The following ITPR2 variants were observed in gnomAD, a reference collection of about 807,000 sequenced individuals.
ITPR2 encodes the protein inositol 1,4,5-trisphosphate-gated calcium channel ITPR2.
ITPR2 carries 207 observed loss-of-function variants against 317.1 expected under a neutral mutation model. That is an observed-to-expected ratio of 0.65 (90% CI 0.58 to 0.73). The LOEUF (loss-of-function observed/expected upper bound fraction) is 0.73. Among genes scored for constraint, ITPR2 ranks in the 30% least tolerant of loss-of-function variants. ITPR2 has a pLI of 0.00. For synonymous variants in ITPR2, 1,156 were observed against 1,149.1 expected, an observed-to-expected ratio of 1.01 and a Z score of -0.12; for missense variants, 2,613 against 3,284.0, an observed-to-expected ratio of 0.80 and a Z score of 4.99.
intron 26 of ITPR2, among the ~76,000 whole-genome samples, chr12:26,608,014 G>A (rs528083955): frequency 6.6e-6 from 1 of 152,280 alleles, no homozygotes; most frequent in East Asian, 1.9e-4. Context: ...CCGGCTACTC[G>A]GGAGGCTGAG....
intron 10 of ITPR2, among the ~76,000 whole-genome samples, chr12:26,695,375 T>A (rs918743681): frequency 5.9e-5 from 9 of 152,150 alleles, no homozygotes; most frequent in African/African-American, 2.2e-4. Context: ...CAGCTGCCTT[T>A]AGCACTCCAC....
intron 55 of ITPR2, among the ~76,000 whole-genome samples, chr12:26,379,963 G>A (rs551544995): frequency 1.2e-4 from 19 of 152,234 alleles, no homozygotes; most frequent in African/African-American, 3.4e-4. Flanking sequence ...CCAATCACCC[G>A]AACACTAGCA....
chr12:26,658,371 T>G (rs1456682781), intron 16 of ITPR2, among the ~76,000 whole-genome samples: 6 of 152,266 alleles, frequency 3.9e-5, no homozygotes, highest in Admixed American at 3.3e-4. Flanking sequence ...TCTATTTATT[T>G]TATGATATTC....
intron 37 of ITPR2, among the ~76,000 whole-genome samples, chr12:26,520,687 C>A (rs1408011638): frequency 2.0e-5 from 3 of 152,152 alleles, no homozygotes; most frequent in Non-Finnish European, 2.9e-5. Context: ...TCTTTCATTT[C>A]TTCATTCCTA....
In ITPR2 at chr12:26,561,794, A is replaced by G. The variant is rs1944826947; in HGVS notation, c.4789T>C (p.Trp1597Arg). The G allele has an allele frequency of 4.4e-6, 7 of 1,584,514 alleles. No homozygotes were observed. The East Asian group carries it at 1.6e-4, about 37-fold the overall frequency. ...RFKEALGGPAWDYRNIIEKLQ... is the reference protein window; with the variant it reads ...RFKEALGGPARDYRNIIEKLQ... Reference sequence around the variant, plus strand: ...TTTTCAATAATATTTCTGTAATCCCAAGCAGGCCCTCCAAGAGCTTCCTTA... The same window carrying G: ...TTTTCAATAATATTTCTGTAATCCCGAGCAGGCCCTCCAAGAGCTTCCTTA... The change falls in exon 35 of 57, where the codon TGG (tryptophan) becomes CGG (arginine). Residue 1597 changes from tryptophan to arginine, a missense_variant. This residue lies in a region of ITPR2 where 926 missense variants were observed against 1,072.8 expected (regional missense o/e 0.86). Transcript: ENST00000381340.
intron 1 of ITPR2, among the ~76,000 whole-genome samples, chr12:26,819,056 T>C (rs1950900835): frequency 6.6e-6 from 1 of 152,204 alleles, no homozygotes; most frequent in Admixed American, 6.5e-5. Context: ...TCTAAAGATA[T>C]TACATTTTTA....
At chr12:26,777,198 A>T (rs1474912926) in intron 2 of ITPR2, among the ~76,000 whole-genome samples, 2 of 152,122 alleles carry the variant, frequency 1.3e-5, no homozygotes, top group African/African-American at 4.8e-5. Context: ...GAAATGCCTG[A>T]TCTCCCTTGG....
At chr12:26,545,426 G>A (rs1258015869) in intron 37 of ITPR2, among the ~76,000 whole-genome samples, 1 of 152,112 alleles carries the variant, frequency 6.6e-6, no homozygotes, top group Non-Finnish European at 1.5e-5. Flanking sequence ...TACACTACCG[G>A]CTTTAAAGAT....
intron 13 of ITPR2, among the ~76,000 whole-genome samples, chr12:26,669,269 C>T (rs563417732): frequency 6.6e-6 from 1 of 151,552 alleles, no homozygotes; most frequent in South Asian, 2.1e-4. Context: ...TATTAAAAGG[C>T]AAATAATAAA....
intron 13 of ITPR2, 93 bp from the exon 14 acceptor site, chr12:26,666,144 A>AGATG (rs1947625444): frequency 2.6e-6 from 1 of 391,848 alleles, no homozygotes; most frequent in Admixed American, 7.5e-5. Flanking sequence ...AGAGATAGAT[A>AGATG]GATAGATAGA....
intron 2 of ITPR2, among the ~76,000 whole-genome samples, chr12:26,784,570 C>T (rs961169724): frequency 6.6e-6 from 1 of 151,758 alleles, no homozygotes; most frequent in Non-Finnish European, 1.5e-5. Context: ...TCTCCAGCTC[C>T]TAACCGCGAG....
At chr12:26,407,859 A>G (rs1442319939) in intron 52 of ITPR2, among the ~76,000 whole-genome samples, 3 of 152,222 alleles carry the variant, frequency 2.0e-5, no homozygotes, top group Non-Finnish European at 2.9e-5. Context: ...ATTAAGTGAC[A>G]TAATGCACAC....
intron 55 of ITPR2, among the ~76,000 whole-genome samples, chr12:26,363,698 C>T (rs1938916129): frequency 6.6e-6 from 1 of 152,064 alleles, no homozygotes; most frequent in Admixed American, 6.6e-5. Context: ...CAGCAAACCA[C>T]CATGGCACAC....
chr12:26,807,083 G>A (rs1359033026), intron 1 of ITPR2, among the ~76,000 whole-genome samples: 1 of 152,042 alleles, frequency 6.6e-6, no homozygotes, highest in East Asian at 1.9e-4. Flanking sequence ...TAGCTACTCA[G>A]GAGGCTAAGG....
chr12:26,525,023 T>C (rs896999278), intron 37 of ITPR2, among the ~76,000 whole-genome samples: 1 of 151,936 alleles, frequency 6.6e-6, no homozygotes, highest in Admixed American at 6.6e-5. Flanking sequence ...AAACACTGAG[T>C]GGAATAAGTC....
At chr12:26,395,203 T>A (rs1939957037) in intron 54 of ITPR2, among the ~76,000 whole-genome samples, 1 of 151,922 alleles carries the variant, frequency 6.6e-6, no homozygotes, top group Non-Finnish European at 1.5e-5. Context: ...AATCAAAACC[T>A]TCTATTAAGG....
intron 26 of ITPR2, among the ~76,000 whole-genome samples, chr12:26,604,335 G>A (rs1029418236): frequency 3.3e-5 from 5 of 152,056 alleles, no homozygotes; most frequent in African/African-American, 4.8e-5. Flanking sequence ...CCATTTTACT[G>A]TATAGACAGA....
chr12:26,410,106 T>C (rs529793759), intron 52 of ITPR2, among the ~76,000 whole-genome samples: 1 of 152,186 alleles, frequency 6.6e-6, no homozygotes. Flanking sequence ...TGGAGTGTCA[T>C]GGCAGTACTC....
intron 55 of ITPR2, among the ~76,000 whole-genome samples, chr12:26,385,518 AG>A (rs1324160447): frequency 6.6e-6 from 1 of 152,114 alleles, no homozygotes; most frequent in Non-Finnish European, 1.5e-5. Flanking sequence ...CTTTTTGCCT[AG>A]GTCACATTAT....
Sources: allele counts gnomAD v4.1 joint callset (sites outside exome capture counted in the v4.1 genomes callset), GRCh38; gene constraint gnomAD v4.1.1; regional missense constraint gnomAD v4.1.1; transcripts MANE v1.5; gene names NCBI Gene and HGNC (gene_info 2026-07-23, HGNC 2026-07-21).